The following ERCC1 variants were observed in gnomAD, a reference collection of about 807,000 sequenced individuals.
ERCC1 encodes DNA excision repair protein ERCC-1.
In ERCC1, 36 loss-of-function variants were observed where a neutral mutation model predicts 37.6. The ratio of observed to expected loss-of-function variants is 0.96; its 90% CI spans 0.73 to 1.26. The LOEUF is 1.26. ERCC1 is among the 50% of genes most tolerant of loss of function. ERCC1 has a pLI of 0.00. For synonymous variants in ERCC1, 156 were observed against 162.1 expected (o/e 0.96, Z 0.28); for missense variants, 349 against 376.5 (o/e 0.93, Z 0.60).
At chr19:45,434,220 C>T (rs923757188) in intron 1 of ERCC1, among the ~76,000 whole-genome samples, 4 of 151,216 alleles carry the variant, frequency 2.6e-5, no homozygotes, top group Non-Finnish European at 4.4e-5. Context: ...CTGGCTCACA[C>T]CTGTAATCCC....
At chr19:45,422,785 A>G (rs1974518952) in intron 2 of ERCC1, among the ~76,000 whole-genome samples, 1 of 151,996 alleles carries the variant, frequency 6.6e-6, no homozygotes, top group Non-Finnish European at 1.5e-5. Context: ...ATAAATAAAT[A>G]GAGTAGGAAG....
chr19:45,424,442 T>A (rs1036754912), upstream of ERCC1: 2 of 152,232 alleles, frequency 1.3e-5, no homozygotes, highest in Admixed American at 1.3e-4. Context: ...GGGGAGCGCC[T>A]GACTCAGCCC....
chr19:45,439,883 C>T (rs867233013), intron 1 of ERCC1, among the ~76,000 whole-genome samples: 68 of 152,018 alleles, frequency 4.5e-4, no homozygotes, highest in Middle Eastern at 3.2e-3. Flanking sequence ...GCGCGCACGG[C>T]CTCGGGAACC....
At chr19:45,415,306 G>A (rs1239496608) in intron 6 of ERCC1, among the ~76,000 whole-genome samples, 2 of 138,182 alleles carry the variant, frequency 1.4e-5, no homozygotes, top group Admixed American at 1.5e-4. Context: ...TTGCACTCCC[G>A]CTTGGGCAAC....
chr19:45,431,898 AT>A (rs1026214759), intron 1 of ERCC1, among the ~76,000 whole-genome samples: 1 of 151,784 alleles, frequency 6.6e-6, no homozygotes, highest in African/African-American at 2.4e-5. Context: ...CCTCAAAAAA[AT>A]TTTTTTTTAT....
At chr19:45,448,580 G>A (rs1967017158) in intron 1 of ERCC1, among the ~76,000 whole-genome samples, 1 of 152,144 alleles carries the variant, frequency 6.6e-6, no homozygotes, top group African/African-American at 2.4e-5. Flanking sequence ...GGGCACAGTT[G>A]CTCACGCCAG....
Position 45,422,119 on chromosome 19 carries a change from G to A in ERCC1, c.106-726C>T, listed in dbSNP as rs141582404. Among the ~76,000 whole-genome samples the A allele has an allele frequency of 5.9e-5, 9 of 151,870 alleles. No homozygotes were observed. The East Asian group carries it at 1.6e-3, about 26-fold the overall frequency. On this transcript the variant is annotated intron_variant, in intron 2 of 9. Coordinates refer to ENST00000300853, the MANE Select transcript of ERCC1 (RefSeq NM_001983.4). ...TCACCAGCTCCTTGCCCACACCCTC[G>A]CCCCCTGGAAGTCTGTCCCCTAACT...
chr19:45,415,085 G>A (rs1192297107), intron 6 of ERCC1, 125 bp from the exon 7 acceptor site: 1 of 650,586 alleles, frequency 1.5e-6, no homozygotes, highest in Non-Finnish European at 2.8e-6. Context: ...TGTAATCCCA[G>A]CACTTTGGGA....
At chr19:45,433,588 T>G (rs572651414) in intron 1 of ERCC1, among the ~76,000 whole-genome samples, 20 of 151,206 alleles carry the variant, frequency 1.3e-4, no homozygotes, top group Non-Finnish European at 2.9e-4. Context: ...CTTAGGACGC[T>G]GAGGCCAGAG....
chr19:45,408,224 T>C lies in ERCC1; in HGVS notation c.*1451A>G, dbSNP rs759323601. ...GCACCGCTATCGAGTCCTCAGCAGCTGTCCCCAAGCTGGAGAAGCGACCCT... is the reference window on the plus strand; with the variant it reads ...GCACCGCTATCGAGTCCTCAGCAGCCGTCCCCAAGCTGGAGAAGCGACCCT... On this transcript the variant is annotated 3_prime_UTR_variant, in exon 10 of 10. Coordinates refer to ENST00000300853, the MANE Select transcript of ERCC1 (RefSeq NM_001983.4). 5 of 1,614,014 alleles carry C rather than the reference T, an allele frequency of 3.1e-6. No homozygotes were observed. The highest frequency in any genetic ancestry group is 3.4e-6 in the Non-Finnish European group (4 of 1,180,012).
upstream of ERCC1, among the ~76,000 whole-genome samples, chr19:45,425,603 C>T (rs569377997): frequency 1.6e-4 from 24 of 152,054 alleles, no homozygotes; most frequent in African/African-American, 5.5e-4. Context: ...CTCTTGACCT[C>T]AAGTGATCTG....
chr19:45,410,565 T>TGTGTGTGTGTG lies in ERCC1; in HGVS notation c.844-841_844-840insCACACACACAC, dbSNP rs1973661594. The TGTGTGTGTGTG allele has an allele frequency of 2.5e-3, 348 of 140,710 alleles. 1 individual carries two copies. The highest frequency in any genetic ancestry group is 8.5e-3 in the African/African-American group (309 of 36,568). 8.7% of individuals were successfully genotyped at this position (140,710 alleles called of 1,614,324 possible). ...ATAGTATGTCTTATTCATTCTTTCT[T>TGTGTGTGTGTG]TGTGTGTGTGTGTGTGTGTGTGTGT... is the stretch of plus-strand genomic sequence containing the variant. On this transcript the variant is annotated intron_variant, in intron 9 of 9. Transcript: ENST00000300853.
intron 6 of ERCC1, among the ~76,000 whole-genome samples, chr19:45,416,239 A>G (rs1568580909): frequency 6.6e-6 from 1 of 152,238 alleles, no homozygotes; most frequent in Non-Finnish European, 1.5e-5. Context: ...CTGCTGAAGA[A>G]ATGTTAGCTA....
chr19:45,413,048 T>C (rs1003073924), intron 9 of ERCC1, among the ~76,000 whole-genome samples: 3 of 151,948 alleles, frequency 2.0e-5, no homozygotes, highest in Non-Finnish European at 2.9e-5. Context: ...GCTTAGAAGC[T>C]TTTTAATTTG....
chr19:45,446,034 TC>T (rs1966930829), intron 1 of ERCC1, among the ~76,000 whole-genome samples: 1 of 151,786 alleles, frequency 6.6e-6, no homozygotes, highest in South Asian at 2.1e-4. Flanking sequence ...GATTACAGGC[TC>T]GTGCCACCAC....
chr19:45,413,709 G>A lies in ERCC1; in HGVS notation c.811C>T (p.Leu271=). 6.2e-7 allele frequency: 1 copy of A among 1,614,078 alleles called. No homozygotes were observed. Among genetic ancestry groups the A allele is most frequent in the African/African-American group, 1.3e-5 (1 of 75,062 alleles). The part of the protein sequence containing the change: ...EQLIAASRED[L]ALCPGLGPQK... ...GGGCCCAGGCCTGGGCATAAGGCCA[G>A]ATCTTCTCTTGATGCGGCGATGAGC... Residue 271 remains leucine (L), a synonymous_variant, in exon 9 of 10, where the codon CTG becomes TTG. Coordinates refer to ENST00000300853, the MANE Select transcript of ERCC1 (RefSeq NM_001983.4).
In ERCC1 at chr19:45,409,624, T is replaced by G. The variant is rs999979824; in HGVS notation, c.*51A>C. ...CAGCGCAGCCAGCAGGAGCCTGGCC[T>G]GGGAGGACGATTTATTATTACACTG... On this transcript the variant is annotated 3_prime_UTR_variant, in exon 10 of 10. Coordinates refer to ENST00000300853, the MANE Select transcript of ERCC1 (RefSeq NM_001983.4). 4 of 1,549,936 alleles carry G rather than the reference T, an allele frequency of 2.6e-6. No homozygotes were observed. The highest frequency in any genetic ancestry group is 1.4e-5 in the African/African-American group (1 of 73,700).
intron 1 of ERCC1, among the ~76,000 whole-genome samples, chr19:45,437,160 A>G (rs1161685647): frequency 6.6e-6 from 1 of 152,044 alleles, no homozygotes; most frequent in African/African-American, 2.4e-5. Context: ...GAGGGAGGAG[A>G]ATCGCTTGAA....
intron 1 of ERCC1, among the ~76,000 whole-genome samples, chr19:45,441,732 C>CA (rs1975125180): frequency 6.7e-6 from 1 of 149,576 alleles, no homozygotes; most frequent in African/African-American, 2.5e-5. Flanking sequence ...GGCTGGAGTG[C>CA]AGTGGCGGGA....
Sources: gnomAD v4.1 joint callset for allele counts (sites outside exome capture counted in the v4.1 genomes callset) on GRCh38, gnomAD v4.1.1 for gene constraint, MANE v1.5 for transcripts, NCBI Gene and HGNC (gene_info 2026-07-23, HGNC 2026-07-21) for gene names.